Variants in LGSN observed in about 807,000 individuals in gnomAD.
The protein encoded by LGSN is lengsin, lens protein with glutamine synthetase domain.
In LGSN, 21 loss-of-function variants were observed where a neutral mutation model predicts 19.5. That is an observed-to-expected ratio of 1.07 (90% confidence interval 0.76 to 1.55). The LOEUF (loss-of-function observed/expected upper bound fraction) is 1.55. LGSN is among the 40% of genes most tolerant of loss of function. The pLI, the probability that LGSN is intolerant of heterozygous loss-of-function variation, is 0.00. For missense variants in LGSN, 673 were observed against 608.5 expected, an observed-to-expected ratio of 1.11 and a Z score of -1.12; for synonymous variants, 257 against 215.6, an observed-to-expected ratio of 1.19 and a Z score of -1.68.
chr6:63,381,247 A>G, the LGSN span, among the ~76,000 whole-genome samples: 1 of 152,180 alleles, frequency 6.6e-6, no homozygotes, highest in African/African-American at 2.4e-5. Context: ...TATGATGCCA[A>G]ATAAAACATA....
At chr6:63,416,567 T>G in the LGSN span, among the ~76,000 whole-genome samples, 117 of 152,256 alleles carry the variant, frequency 7.7e-4, no homozygotes, top group Non-Finnish European at 1.2e-3. Context: ...ACATAGTTTT[T>G]TTGTTGTTGT....
intron 1 of LGSN, among the ~76,000 whole-genome samples, chr6:63,318,728 C>A (rs1322861551): frequency 6.6e-6 from 1 of 152,116 alleles, no homozygotes; most frequent in African/African-American, 2.4e-5. Context: ...TTCATGGGAG[C>A]TGTATCACCT....
chr6:63,477,687 C>CTTTTTT, the LGSN span, among the ~76,000 whole-genome samples: 43 of 61,058 alleles, frequency 7.0e-4, 1 homozygote, highest in Admixed American at 1.1e-3. Context: ...TTCTTTTTTT[C>CTTTTTT]TTTTTTTTTT....
In LGSN at chr6:63,285,650, T is replaced by C. The variant is rs752096222; in HGVS notation, c.267A>G (p.Arg89=). The C allele has an allele frequency of 1.2e-6, 2 of 1,614,098 alleles. No individual in the cohort carries two copies. The highest frequency in any genetic ancestry group is 1.7e-5 in the Admixed American group (1 of 60,026). The part of the protein sequence containing the change: ...AMAKNRLQFV[R]FEATDLHGVS... ...CGCCGTGGAGGTCTGTTGCTTCAAA[T>C]CGTACAAACTGGAGGCGATTTTTGG... Residue 89 remains arginine, a synonymous_variant, in exon 3 of 4, where the codon CGA becomes CGG. Coordinates refer to ENST00000370657, the MANE Select transcript of LGSN (RefSeq NM_016571.3).
At chr6:63,485,559 A>G in the LGSN span, among the ~76,000 whole-genome samples, 2 of 152,194 alleles carry the variant, frequency 1.3e-5, no homozygotes, top group South Asian at 4.1e-4. Flanking sequence ...CAGTAATGGT[A>G]TTGCTGCGCC....
the LGSN span, among the ~76,000 whole-genome samples, chr6:63,356,732 A>G: frequency 2.6e-5 from 4 of 152,250 alleles, no homozygotes; most frequent in South Asian, 4.1e-4. Flanking sequence ...TTCTCCTGAA[A>G]ATATAGGATG....
At chr6:63,528,130 A>G in the LGSN span, 2 of 152,228 alleles carry the variant, frequency 1.3e-5, no homozygotes, top group Non-Finnish European at 2.9e-5. Context: ...TCTTAAAGCC[A>G]TAGAGTGGTT....
chr6:63,555,764 G>T, the LGSN span, among the ~76,000 whole-genome samples: 3 of 150,930 alleles, frequency 2.0e-5, no homozygotes, highest in Non-Finnish European at 4.4e-5. Context: ...CGTGATCCCG[G>T]CTCACTGCAA....
the LGSN span, among the ~76,000 whole-genome samples, chr6:63,507,383 C>T: frequency 6.6e-6 from 1 of 152,144 alleles, no homozygotes; most frequent in Non-Finnish European, 1.5e-5. Flanking sequence ...GTTTGAGATA[C>T]ATGTGCATAT....
the LGSN span, among the ~76,000 whole-genome samples, chr6:63,446,363 A>C: frequency 0.47 from 71,279 of 151,674 alleles, 17,905 homozygotes; most frequent in Non-Finnish European, 0.53. Flanking sequence ...TTTCTCAAAC[A>C]TACCAAGCAC....
intron 1 of LGSN, among the ~76,000 whole-genome samples, chr6:63,318,623 TA>T (rs1332244497): frequency 2.6e-5 from 4 of 152,174 alleles, no homozygotes; most frequent in Admixed American, 6.5e-5. Flanking sequence ...TTGTGCAGTT[TA>T]AAAATCATAT....
chr6:63,321,191 A>G (rs993984709), upstream of LGSN, among the ~76,000 whole-genome samples: 35 of 152,320 alleles, frequency 2.3e-4, no homozygotes, highest in Middle Eastern at 3.4e-3. Flanking sequence ...GTCTTGTACC[A>G]GAGCCTTACC....
the LGSN span, among the ~76,000 whole-genome samples, chr6:63,367,439 C>G: frequency 6.6e-6 from 1 of 151,998 alleles, no homozygotes; most frequent in East Asian, 1.9e-4. Flanking sequence ...AGTCAGGAAA[C>G]AACAGGTGCT....
the LGSN span, among the ~76,000 whole-genome samples, chr6:63,358,465 C>T: frequency 6.6e-6 from 1 of 152,162 alleles, no homozygotes; most frequent in Non-Finnish European, 1.5e-5. Flanking sequence ...TACCCATGAG[C>T]ATGGAATGTT....
At chr6:63,317,443 A>T (rs140986641) in intron 1 of LGSN, among the ~76,000 whole-genome samples, 32 of 152,300 alleles carry the variant, frequency 2.1e-4, no homozygotes, top group East Asian at 3.9e-4. Context: ...TGAAACTCAA[A>T]TCTAATTTTT....
upstream of LGSN, among the ~76,000 whole-genome samples, chr6:63,322,382 T>G (rs758421982): frequency 1.1e-4 from 17 of 152,144 alleles, no homozygotes; most frequent in Non-Finnish European, 2.4e-4. Context: ...CCAAGTTCAG[T>G]GAAGGAAATA....
At chr6:63,550,190 T>C in the LGSN span, 1 of 152,172 alleles carries the variant, frequency 6.6e-6, no homozygotes, top group Non-Finnish European at 1.5e-5. Flanking sequence ...TTTTTTAATC[T>C]ACATAATAGA....
At chr6:63,361,557 A>C in the LGSN span, among the ~76,000 whole-genome samples, 19,835 of 151,846 alleles carry the variant, frequency 0.13, 2,860 homozygotes, top group African/African-American at 0.36. Context: ...CGTCTGTCAC[A>C]CCTTTCCTTG....
chr6:63,426,194 CT>C, the LGSN span, among the ~76,000 whole-genome samples: 9 of 152,108 alleles, frequency 5.9e-5, no homozygotes, highest in African/African-American at 1.9e-4. Flanking sequence ...TTGTTTCACA[CT>C]GTATTTCATA....
Sources: allele counts gnomAD v4.1 joint callset (sites outside exome capture counted in the v4.1 genomes callset), GRCh38; gene constraint gnomAD v4.1.1; transcripts MANE v1.5; gene names NCBI Gene and HGNC (gene_info 2026-07-23, HGNC 2026-07-21).